DHX15: variants seen among roughly 807,000 people sequenced by gnomAD.
DHX15 encodes the protein DEAH-box helicase 15, also known as ATP-dependent RNA helicase DHX15.
DHX15 carries 11 observed loss-of-function variants against 94.4 expected under a neutral mutation model. The observed-to-expected ratio is 0.12, with a 90% CI of 0.07 to 0.19. DHX15 has a LOEUF of 0.19. Ranked by LOEUF, DHX15 falls within the 10% of genes least tolerant of loss-of-function variation. The pLI is 1.00. For missense variants in DHX15, 304 were observed against 988.5 expected, an observed-to-expected ratio of 0.31 and a Z score of 9.29; for synonymous variants, 338 against 329.9, an observed-to-expected ratio of 1.02 and a Z score of -0.27.
intron 3 of DHX15, among the ~76,000 whole-genome samples, chr4:24,566,723 G>A (rs1029617104): frequency 6.6e-6 from 1 of 152,164 alleles, no homozygotes; most frequent in African/African-American, 2.4e-5. Context: ...CTACTCGGGA[G>A]GGTGAGGCAT....
intron 6 of DHX15, among the ~76,000 whole-genome samples, chr4:24,544,983 T>C (rs1721392192): frequency 6.6e-6 from 1 of 152,098 alleles, no homozygotes. Flanking sequence ...TGGTGGCACA[T>C]GCTTGTAGTC....
At chr4:24,533,107 G>C in intron 11 of DHX15, 53 bp from the exon 12 acceptor site, 1 of 1,433,138 alleles carries the variant, frequency 7.0e-7, no homozygotes, top group Non-Finnish European at 9.8e-7. Context: ...CACCCACACA[G>C]GAATGTTCTC....
chr4:24,528,330 C>A (rs978908211), intron 13 of DHX15, among the ~76,000 whole-genome samples: 3 of 152,146 alleles, frequency 2.0e-5, no homozygotes, highest in African/African-American at 7.2e-5. Context: ...TCACTGATTT[C>A]TTTACTCTGG....
chr4:24,563,342 G>A (rs1013943632), intron 3 of DHX15: 2 of 152,044 alleles, frequency 1.3e-5, no homozygotes, highest in East Asian at 3.9e-4. Context: ...CGCTCTCCAA[G>A]GAGTTACCAT....
chr4:24,578,483 G>A (rs954079552), intron 1 of DHX15, among the ~76,000 whole-genome samples: 3 of 152,264 alleles, frequency 2.0e-5, no homozygotes, highest in Non-Finnish European at 4.4e-5. Flanking sequence ...AAGAACATCT[G>A]GTCTGAACAA....
At chr4:24,568,037 AT>A (rs1019340211) in intron 3 of DHX15, among the ~76,000 whole-genome samples, 3 of 152,226 alleles carry the variant, frequency 2.0e-5, no homozygotes, top group Non-Finnish European at 2.9e-5. Flanking sequence ...ATGAATAGGT[AT>A]CCCAAACACT....
chr4:24,549,094 T>C (rs1721529332), intron 5 of DHX15, 72 bp from the exon 6 acceptor site: 1 of 1,319,330 alleles, frequency 7.6e-7, no homozygotes, highest in Non-Finnish European at 1.0e-6. Context: ...CCTAGTTCTA[T>C]GCAGTCTGTT....
chr4:24,558,915 T>C (rs756098632), intron 3 of DHX15, among the ~76,000 whole-genome samples: 9 of 152,084 alleles, frequency 5.9e-5, no homozygotes, highest in Non-Finnish European at 8.8e-5. Flanking sequence ...TAACACACTC[T>C]TCACAAAGTC....
chr4:24,532,830 T>TATA (rs751574993), intron 12 of DHX15, 34 bp downstream of exon 12: 1 of 1,474,846 alleles, frequency 6.8e-7, no homozygotes, highest in Non-Finnish European at 9.2e-7. Context: ...GTCATATGAA[T>TATA]ACTTAGTTAT....
intron 3 of DHX15, among the ~76,000 whole-genome samples, chr4:24,566,782 C>A (rs1309413245): frequency 2.0e-5 from 3 of 152,118 alleles, no homozygotes; most frequent in Non-Finnish European, 4.4e-5. Context: ...GCCGAGATGG[C>A]ACCACTGCAC....
intron 7 of DHX15, among the ~76,000 whole-genome samples, 194 bp from the exon 8 acceptor site, chr4:24,542,216 T>A (rs1273902455): frequency 6.6e-6 from 1 of 152,184 alleles, no homozygotes; most frequent in African/African-American, 2.4e-5. Context: ...TTCGATCATC[T>A]GAAAGACTCT....
At chr4:24,551,755 A>AT (rs1721609775) in intron 5 of DHX15, among the ~76,000 whole-genome samples, 1 of 152,262 alleles carries the variant, frequency 6.6e-6, no homozygotes, top group Admixed American at 6.5e-5. Flanking sequence ...GGATTCCAAC[A>AT]TTTAAGAGTA....
At chr4:24,547,907 A>ATATCTATATATC (rs1301990410) in intron 6 of DHX15, among the ~76,000 whole-genome samples, 5 of 14,538 alleles carry the variant, frequency 3.4e-4, no homozygotes, top group Admixed American at 1.2e-3. Context: ...GTATGTGTAT[A>ATATCTATATATC]TATATATATA....
Position 24,556,742 on chromosome 4 carries a change from C to T in DHX15, c.702-332G>A, listed in dbSNP as rs115531845. On this transcript the variant is annotated intron_variant, in intron 3 of 13. Coordinates refer to ENST00000336812, the MANE Select transcript of DHX15 (RefSeq NM_001358.3). ...AATTCGTCATTTTCAATTTCTTAAA[C>T]CTTTTAAAAACATACAAATATTCAA... 3.9e-3 allele frequency among the ~76,000 whole-genome samples: 593 copies of T among 152,260 alleles called. 3 individuals are homozygous for T. The highest frequency in any genetic ancestry group is 0.013 in the African/African-American group (551 of 41,578).
intron 1 of DHX15, among the ~76,000 whole-genome samples, chr4:24,580,078 T>C (rs1722374817): frequency 6.6e-6 from 1 of 152,148 alleles, no homozygotes; most frequent in Non-Finnish European, 1.5e-5. Context: ...TTGGTTATTA[T>C]TAAAGATCTT....
At chr4:24,534,508 A>G (rs1263915530) in intron 11 of DHX15, among the ~76,000 whole-genome samples, 1 of 152,196 alleles carries the variant, frequency 6.6e-6, no homozygotes, top group Non-Finnish European at 1.5e-5. Flanking sequence ...ATAATTGGGT[A>G]AATGGGAAAA....
intron 5 of DHX15, among the ~76,000 whole-genome samples, chr4:24,553,055 G>A (rs529210330): frequency 3.3e-4 from 51 of 152,350 alleles, no homozygotes; most frequent in South Asian, 1.2e-3. Context: ...AGGTGCAGTG[G>A]CTCACGCCTG....
Position 24,576,682 on chromosome 4 carries a change from A to G in DHX15, c.72-4T>C. On this transcript the variant is annotated splice_polypyrimidine_tract_variant and splice_region_variant and intron_variant, in intron 1 of 13. Coordinates refer to ENST00000336812, the MANE Select transcript of DHX15 (RefSeq NM_001358.3). ...CCGGTCTCGATCTCGATCCTTCCTA[A>G]AAACAAAAATTTAGAATTCAGATTC... The G allele has an allele frequency of 6.2e-7, 1 of 1,608,354 alleles. No homozygotes were observed. Among genetic ancestry groups the G allele is most frequent in the Non-Finnish European group, 8.5e-7 (1 of 1,175,726 alleles).
chr4:24,547,919 ATATATATATATATATATATATAT>A (rs1560765794), intron 6 of DHX15, among the ~76,000 whole-genome samples: 7 of 25,226 alleles, frequency 2.8e-4, no homozygotes, highest in African/African-American at 9.3e-4. Context: ...ATATATATAT[ATATATATATATATATATATATAT>A]CTATATCTAT....
Sources: gnomAD v4.1 joint callset for allele counts (sites outside exome capture counted in the v4.1 genomes callset) on GRCh38, gnomAD v4.1.1 for gene constraint, MANE v1.5 for transcripts, NCBI Gene and HGNC (gene_info 2026-07-23, HGNC 2026-07-21) for gene names.